Variants in INTS7 observed in about 807,000 individuals in gnomAD.
The protein encoded by INTS7 is chromosome 1 open reading frame 73.
Under a neutral mutation model 109.2 loss-of-function variants are expected in INTS7, and 46 were observed. The ratio of observed to expected loss-of-function variants is 0.42; its 90% confidence interval spans 0.33 to 0.54. INTS7 has a LOEUF of 0.54. Ranked by LOEUF, INTS7 falls within the 20% of genes least tolerant of loss-of-function variation. INTS7 has a pLI of 0.07. For missense variants in INTS7, 929 were observed against 1,132.4 expected, an observed-to-expected ratio of 0.82 and a Z score of 2.58; for synonymous variants, 412 against 402.9, an observed-to-expected ratio of 1.02 and a Z score of -0.27.
At chr1:211,988,727 C>G (rs1036560788) in intron 7 of INTS7, among the ~76,000 whole-genome samples, 1 of 152,116 alleles carries the variant, frequency 6.6e-6, no homozygotes, top group South Asian at 2.1e-4. Flanking sequence ...CTGAAACCCC[C>G]ACCATATTTT....
At position 211,983,911 on chromosome 1, in the gene INTS7, G is replaced by C. The variant is rs568330214; in HGVS notation, c.998-1101C>G. ...TGCCCAGGCTGGAGTGCAGTGGTGC[G>C]ATCATGGCCTACTACAGATCACAGC... On this transcript the variant is annotated intron_variant, in intron 8 of 19. Transcript: ENST00000366994. 2.0e-5 allele frequency among the ~76,000 whole-genome samples: 3 copies of C among 151,710 alleles called. No individual in the cohort carries two copies. In the South Asian group the frequency reaches 6.2e-4, roughly 32 times the overall value.
At chr1:211,965,908 A>G (rs777241541) in intron 16 of INTS7, among the ~76,000 whole-genome samples, 2 of 152,228 alleles carry the variant, frequency 1.3e-5, no homozygotes, top group Non-Finnish European at 2.9e-5. Flanking sequence ...GTTTACCTAT[A>G]TAACAAACCT....
At chr1:212,022,984 A>G (rs1009759629) in intron 1 of INTS7, among the ~76,000 whole-genome samples, 3 of 152,142 alleles carry the variant, frequency 2.0e-5, no homozygotes, top group Non-Finnish European at 4.4e-5. Context: ...GCTCCCACTT[A>G]TAAGTGAGAA....
intron 8 of INTS7, among the ~76,000 whole-genome samples, chr1:211,984,917 C>CT (rs1664828527): frequency 6.6e-6 from 1 of 152,052 alleles, no homozygotes; most frequent in African/African-American, 2.4e-5. Context: ...GTCATAATTT[C>CT]TTTGAGTCCT....
intron 7 of INTS7, among the ~76,000 whole-genome samples, chr1:211,995,875 C>G (rs1336061842): frequency 6.6e-6 from 1 of 152,170 alleles, no homozygotes; most frequent in Non-Finnish European, 1.5e-5. Context: ...TCACCAGACA[C>G]TGAATCTGCT....
intron 7 of INTS7, among the ~76,000 whole-genome samples, chr1:211,995,592 ACT>A (rs1279551774): frequency 6.6e-6 from 1 of 152,154 alleles, no homozygotes; most frequent in Non-Finnish European, 1.5e-5. Flanking sequence ...TGCAGATAAA[ACT>A]CTCTATGGAA....
chr1:211,996,838 A>G (rs1665413634), intron 7 of INTS7, among the ~76,000 whole-genome samples: 1 of 152,046 alleles, frequency 6.6e-6, no homozygotes, highest in African/African-American at 2.4e-5. Flanking sequence ...CAGCCTGGAC[A>G]AAATAGCGAG....
intron 5 of INTS7, among the ~76,000 whole-genome samples, chr1:212,007,671 T>C (rs1341060026): frequency 1.3e-5 from 2 of 152,208 alleles, no homozygotes; most frequent in Admixed American, 1.3e-4. Context: ...AACTACATGC[T>C]GATAATAAAA....
chr1:212,028,058 C>A (rs1667006764), intron 1 of INTS7, among the ~76,000 whole-genome samples: 1 of 152,192 alleles, frequency 6.6e-6, no homozygotes, highest in African/African-American at 2.4e-5. Flanking sequence ...AACTCCCAAC[C>A]TCAGGTGATC....
chr1:212,012,657 G>T (rs541682648), intron 4 of INTS7, among the ~76,000 whole-genome samples: 8 of 152,224 alleles, frequency 5.3e-5, no homozygotes, highest in South Asian at 4.1e-4. Context: ...TTGAAGCATG[G>T]TATATTAAAA....
rs537674863 is a variant in INTS7 at position 211,942,530 on chromosome 1, G to C, written c.2602-419C>G. On this transcript the variant is annotated intron_variant, in intron 19 of 19. Coordinates refer to ENST00000366994, the MANE Select transcript of INTS7 (RefSeq NM_015434.4). This position sits in a 1 kb window ranked among gnomAD's most constrained non-coding sequence, Gnocchi z 4.2. ...CTGAAGAAATAGGATGAAATCACCT[G>C]TTCCAGAGAGTTTAAAACCTAAGAG... is the stretch of plus-strand genomic sequence containing the variant. 2.0e-5 allele frequency among the ~76,000 whole-genome samples: 3 copies of C among 152,312 alleles called. No individual in the cohort carries two copies. Among genetic ancestry groups the C allele is most frequent in the South Asian group, 4.1e-4 (2 of 4,828 alleles).
rs768731356 is a variant in INTS7 at position 211,966,506 on chromosome 1, G to A, written c.2115-8C>T. ...AAACAGCTCTGCTGCTGTCTGGATT[G>A]ATGTTAAGGTTACATACGAAAATAG... On this transcript the variant is annotated splice_region_variant and splice_polypyrimidine_tract_variant and intron_variant, in intron 15 of 19. Transcript: ENST00000366994. The A allele has an allele frequency of 6.3e-7, 1 of 1,588,202 alleles. No individual in the cohort carries two copies. Among genetic ancestry groups the A allele is most frequent in the Admixed American group, 1.7e-5 (1 of 57,920 alleles).
At chr1:211,960,689 C>T (rs186949836) in intron 16 of INTS7, among the ~76,000 whole-genome samples, 1 of 152,220 alleles carries the variant, frequency 6.6e-6, no homozygotes, top group Admixed American at 6.5e-5. Context: ...GCAAAGCAGA[C>T]CAAGCTGTGG....
intron 7 of INTS7, among the ~76,000 whole-genome samples, chr1:211,990,708 T>C (rs561707375): frequency 6.6e-6 from 1 of 152,300 alleles, no homozygotes; most frequent in East Asian, 1.9e-4. Flanking sequence ...ATACACATAC[T>C]CTGGCAATTA....
intron 13 of INTS7, among the ~76,000 whole-genome samples, chr1:211,974,274 AAAATAT>A (rs1479076122): frequency 1.3e-5 from 1 of 79,598 alleles, no homozygotes; most frequent in South Asian, 4.8e-4. Context: ...CCAGAAAAAA[AAAATAT>A]ATATATATAT....
intron 1 of INTS7, chr1:212,030,948 G>C (rs1335395097): frequency 2.0e-5 from 3 of 152,108 alleles, no homozygotes; most frequent in Non-Finnish European, 4.4e-5. Flanking sequence ...CGTCTAAGGG[G>C]GAAATTAGAG....
intron 16 of INTS7, among the ~76,000 whole-genome samples, chr1:211,958,882 C>A (rs751146017): frequency 6.6e-6 from 1 of 152,080 alleles, no homozygotes; most frequent in African/African-American, 2.4e-5. Flanking sequence ...ACCAAGGGAC[C>A]AGGATGACTG....
chr1:211,954,109 G>C (rs1023778332), intron 16 of INTS7, among the ~76,000 whole-genome samples: 1 of 152,186 alleles, frequency 6.6e-6, no homozygotes, highest in African/African-American at 2.4e-5. Context: ...GTGTGAGATG[G>C]TATCTCATTG....
intron 13 of INTS7, among the ~76,000 whole-genome samples, chr1:211,974,272 A>ATAT (rs1553249472): frequency 0.073 from 4,443 of 61,170 alleles, 123 homozygotes; most frequent in Non-Finnish European, 0.087. Flanking sequence ...TCCCAGAAAA[A>ATAT]AAAAATATAT....
Sources: allele counts gnomAD v4.1 joint callset (sites outside exome capture counted in the v4.1 genomes callset), GRCh38; gene constraint gnomAD v4.1.1; non-coding constraint Gnocchi (gnomAD v3.1); transcripts MANE v1.5; gene names NCBI Gene and HGNC (gene_info 2026-07-23, HGNC 2026-07-21).